The following HECW2 variants were observed in gnomAD, a reference collection of about 807,000 sequenced individuals.
The protein encoded by HECW2 is HECT, C2 and WW domain containing E3 ubiquitin protein ligase 2.
A neutral mutation model predicts 175.2 loss-of-function variants in HECW2; 61 were observed. The ratio of observed to expected loss-of-function variants is 0.35; its 90% CI spans 0.28 to 0.43. HECW2 has a LOEUF of 0.43. Ranked by LOEUF, HECW2 falls within the 20% of genes least tolerant of loss-of-function variation. HECW2 has a pLI of 1.00. For missense variants in HECW2, 1,524 were observed against 2,000.5 expected, an observed-to-expected ratio of 0.76 and a Z score of 4.54; for synonymous variants, 671 against 731.0, an observed-to-expected ratio of 0.92 and a Z score of 1.32.
intron 2 of HECW2, among the ~76,000 whole-genome samples, chr2:196,432,288 C>T (rs2125270030): frequency 6.6e-6 from 1 of 151,950 alleles, no homozygotes; most frequent in East Asian, 1.9e-4. Flanking sequence ...TTACAACTTA[C>T]ATTGAAAGCA....
chr2:196,447,226 AG>A (rs1441877686), intron 1 of HECW2, among the ~76,000 whole-genome samples: 2 of 152,354 alleles, frequency 1.3e-5, no homozygotes, highest in East Asian at 3.9e-4. Context: ...TTTTTAACAA[AG>A]AAGAGATTCT....
intron 19 of HECW2, among the ~76,000 whole-genome samples, chr2:196,252,756 A>G (rs1361424340): frequency 6.6e-6 from 1 of 152,208 alleles, no homozygotes; most frequent in Non-Finnish European, 1.5e-5. Context: ...AGAATGGCCT[A>G]ACACATCACT....
At position 196,297,815 on chromosome 2, in the gene HECW2, C is replaced by T. The variant is rs541055840; in HGVS notation, c.2815-5065G>A. 1.3e-3 allele frequency among the ~76,000 whole-genome samples: 203 copies of T among 152,234 alleles called. 3 individuals are homozygous for T. Among genetic ancestry groups the T allele is most frequent in the Non-Finnish European group, 2.5e-3 (173 of 67,992 alleles). ...AAACAAAATTTAATATATACAAAAT[C>T]AAGAAATGTTTGCATAATATGTATG... On this transcript the variant is annotated intron_variant, in intron 13 of 28. Transcript: ENST00000644978.
At position 196,340,483 on chromosome 2, in the gene HECW2, G is replaced by A. The variant is rs182624022; in HGVS notation, c.400+3174C>T. ...ATGGTGATGCATACCTGTAATCCCA[G>A]GTACTTGGAGGCTGAGGCAGGAGAA... is the stretch of plus-strand genomic sequence containing the variant. On this transcript the variant is annotated intron_variant, in intron 3 of 28. Transcript: ENST00000644978. Among the ~76,000 whole-genome samples, 310 of 151,076 alleles carry A rather than the reference G, an allele frequency of 2.1e-3. 1 individual carries two copies. Among genetic ancestry groups the A allele is most frequent in the Admixed American group, 3.1e-3 (47 of 15,050 alleles).
intron 13 of HECW2, among the ~76,000 whole-genome samples, chr2:196,300,381 G>A (rs77935576): frequency 0.07 from 10,648 of 152,260 alleles, 431 homozygotes; most frequent in East Asian, 0.13. Flanking sequence ...AAATTAGAAT[G>A]CAGATGAAAC....
intron 21 of HECW2, chr2:196,238,905 A>G (rs1688351050): frequency 6.6e-6 from 1 of 152,232 alleles, no homozygotes; most frequent in Non-Finnish European, 1.5e-5. Context: ...CTTAAATATC[A>G]GTGCTTCCAA....
At chr2:196,566,029 G>A (rs1690175068) in intron 1 of HECW2, among the ~76,000 whole-genome samples, 3 of 151,830 alleles carry the variant, frequency 2.0e-5, no homozygotes, top group Admixed American at 2.0e-4. Flanking sequence ...AAATTACATA[G>A]GCATTTTAGA....
At chr2:196,430,886 A>T (rs1033176183) in intron 2 of HECW2, among the ~76,000 whole-genome samples, 1 of 152,202 alleles carries the variant, frequency 6.6e-6, no homozygotes, top group Non-Finnish European at 1.5e-5. Flanking sequence ...TTGAAGAAAT[A>T]GTGGCCAACA....
chr2:196,404,927 C>T (rs1575507765), intron 2 of HECW2, among the ~76,000 whole-genome samples: 1 of 143,862 alleles, frequency 7.0e-6, no homozygotes, highest in African/African-American at 2.5e-5. Context: ...CAGGTTCACG[C>T]CATTCTCCTG....
At chr2:196,423,348 G>C (rs1695455468) in intron 2 of HECW2, among the ~76,000 whole-genome samples, 3 of 151,978 alleles carry the variant, frequency 2.0e-5, no homozygotes, top group Admixed American at 2.0e-4. Context: ...ATCTGCCCAT[G>C]GTCATTCAGC....
chr2:196,494,500 G>A (rs1243926155), intron 1 of HECW2, among the ~76,000 whole-genome samples: 1 of 152,188 alleles, frequency 6.6e-6, no homozygotes, highest in Non-Finnish European at 1.5e-5. Context: ...AGAAGGCAGG[G>A]AGAGGGACAG....
intron 2 of HECW2, among the ~76,000 whole-genome samples, chr2:196,344,304 G>C (rs1692869934): frequency 1.1e-5 from 1 of 89,018 alleles, no homozygotes; most frequent in South Asian, 4.1e-4. Flanking sequence ...CAAAGGCATA[G>C]ACCTTGAGAC....
At chr2:196,370,002 G>C (rs1433260216) in intron 2 of HECW2, among the ~76,000 whole-genome samples, 1 of 152,076 alleles carries the variant, frequency 6.6e-6, no homozygotes, top group African/African-American at 2.4e-5. Context: ...CCAGTGGGGA[G>C]TGTCCTCACC....
chr2:196,444,895 T>C (rs1223617276), intron 1 of HECW2, among the ~76,000 whole-genome samples: 2 of 152,108 alleles, frequency 1.3e-5, no homozygotes, highest in African/African-American at 4.8e-5. Context: ...TCTTTATAAT[T>C]CCCTGAATAA....
Position 196,319,323 on chromosome 2 carries a change from C to T in HECW2, c.1567G>A (p.Ala523Thr). Reference protein sequence around the residue: ...VENEEASTHEAASFEDKPENL... With the variant: ...VENEEASTHETASFEDKPENL... ...TCTGGCTTATCCTCAAAGGAAGCAG[C>T]TTCGTGTGTGGAGGCTTCCTCATTC... Residue 523 changes from alanine to threonine, a missense_variant, in exon 9 of 29, where the codon GCT becomes ACT. Coordinates refer to ENST00000644978, the MANE Select transcript of HECW2 (RefSeq NM_001348768.2). The T allele has an allele frequency of 6.2e-7, 1 of 1,614,038 alleles. No homozygotes were observed. Among genetic ancestry groups the T allele is most frequent in the Non-Finnish European group, 8.5e-7 (1 of 1,179,974 alleles).
Position 196,306,509 on chromosome 2 carries a change from G to A in HECW2, c.2793C>T (p.Phe931=). Residue 931 remains phenylalanine, a synonymous_variant, in exon 13 of 29, where the codon TTC becomes TTT. Coordinates refer to ENST00000644978, the MANE Select transcript of HECW2 (RefSeq NM_001348768.2). Reference sequence around the variant, plus strand: ...TCACAGGGTTAGAATGCAGCACGGTGAAGAACTCTGGGCTGATGAGGAACT... The same window carrying A: ...TCACAGGGTTAGAATGCAGCACGGTAAAGAACTCTGGGCTGATGAGGAACT... ...PVKFLISPEF[F]TVLHSNPSAY... is the part of the protein sequence containing the mutation. The A allele has an allele frequency of 6.2e-7, 1 of 1,611,280 alleles. No individual in the cohort carries two copies.
chr2:196,580,717 T>C (rs1690747135), intron 1 of HECW2, among the ~76,000 whole-genome samples: 2 of 149,918 alleles, frequency 1.3e-5, no homozygotes, highest in South Asian at 2.1e-4. Context: ...TCGATTAGAA[T>C]ATAAAATGTT....
chr2:196,362,234 G>A (rs1005897765), intron 2 of HECW2: 10 of 981,488 alleles, frequency 1.0e-5, no homozygotes, highest in Non-Finnish European at 1.2e-5. Context: ...CCCTGTAAAG[G>A]GTACAGGATG....
intron 10 of HECW2, among the ~76,000 whole-genome samples, chr2:196,315,149 A>AGTGTGTGTGTGTGTGTGT (rs58473650): frequency 6.9e-6 from 1 of 144,716 alleles, no homozygotes; most frequent in Non-Finnish European, 1.5e-5. Context: ...CGAGTGTATG[A>AGTGTGTGTGTGTGTGTGT]GTGTGTGTGT....
Sources: allele counts gnomAD v4.1 joint callset (sites outside exome capture counted in the v4.1 genomes callset), GRCh38; gene constraint gnomAD v4.1.1; transcripts MANE v1.5; gene names NCBI Gene and HGNC (gene_info 2026-07-23, HGNC 2026-07-21).